NLGN1: variants seen among roughly 807,000 people sequenced by gnomAD.
NLGN1 encodes the protein neuroligin-1.
In NLGN1, 12 loss-of-function variants were observed where a neutral mutation model predicts 65.5. The ratio of observed to expected loss-of-function variants is 0.18; its 90% CI spans 0.12 to 0.30. The LOEUF is 0.30. Ranked by LOEUF, NLGN1 falls within the 10% of genes least tolerant of loss-of-function variation. The pLI is 1.00. For missense variants in NLGN1, 750 were observed against 1,007.1 expected (o/e 0.74, Z 3.46); for synonymous variants, 350 against 359.5 (o/e 0.97, Z 0.30).
intron 2 of NLGN1, among the ~76,000 whole-genome samples, chr3:173,445,276 A>G (rs1169486025): frequency 7.6e-6 from 1 of 131,668 alleles, no homozygotes; most frequent in Admixed American, 7.4e-5. Flanking sequence ...TCAAAAAAAA[A>G]AAAAAAAAAA....
intron 2 of NLGN1, among the ~76,000 whole-genome samples, chr3:173,600,051 C>A (rs73181066): frequency 0.091 from 13,781 of 152,092 alleles, 749 homozygotes; most frequent in South Asian, 0.21. Context: ...TGGCCTCAGG[C>A]ACTTAATGCT....
intron 4 of NLGN1, among the ~76,000 whole-genome samples, chr3:173,917,819 C>T (rs1741038294): frequency 6.8e-6 from 1 of 147,738 alleles, no homozygotes; most frequent in Non-Finnish European, 1.5e-5. Context: ...GAAGGGCGCT[C>T]TGAAATTCTT....
intron 4 of NLGN1, among the ~76,000 whole-genome samples, chr3:174,240,312 G>C (rs996254128): frequency 6.8e-6 from 1 of 147,742 alleles, no homozygotes; most frequent in Non-Finnish European, 1.5e-5. Flanking sequence ...TAAACATATA[G>C]ATCTAACTTT....
intron 1 of NLGN1, among the ~76,000 whole-genome samples, chr3:173,429,443 G>A (rs1486809364): frequency 6.6e-6 from 1 of 152,118 alleles, no homozygotes; most frequent in African/African-American, 2.4e-5. Flanking sequence ...CTACTGTTTT[G>A]AATAGTTGAT....
chr3:173,522,894 A>G (rs925509976), intron 2 of NLGN1, among the ~76,000 whole-genome samples: 4 of 152,146 alleles, frequency 2.6e-5, no homozygotes, highest in East Asian at 1.9e-4. Context: ...CTAACAGAGT[A>G]TAAGTGTTCT....
intron 4 of NLGN1, among the ~76,000 whole-genome samples, chr3:173,864,908 T>G (rs1445888570): frequency 6.6e-6 from 1 of 152,200 alleles, no homozygotes; most frequent in African/African-American, 2.4e-5. Context: ...ACATCTAAAC[T>G]GCCTTTTAGG....
chr3:174,203,961 A>G (rs1419311013), intron 4 of NLGN1, among the ~76,000 whole-genome samples: 1 of 152,176 alleles, frequency 6.6e-6, no homozygotes, highest in Admixed American at 6.5e-5. Context: ...TAAAATTACA[A>G]TTATTATACA....
chr3:174,071,501 G>A (rs1739856996), intron 4 of NLGN1, among the ~76,000 whole-genome samples: 1 of 151,948 alleles, frequency 6.6e-6, no homozygotes, highest in Admixed American at 6.6e-5. Flanking sequence ...GAGGAACATG[G>A]CAAAACCCTG....
intron 4 of NLGN1, among the ~76,000 whole-genome samples, chr3:174,020,445 G>A (rs1005930815): frequency 7.9e-5 from 12 of 151,754 alleles, no homozygotes; most frequent in African/African-American, 2.9e-4. Context: ...TTTTAATATT[G>A]TTTTACTTCT....
intron 4 of NLGN1, among the ~76,000 whole-genome samples, chr3:174,108,070 G>A (rs990790689): frequency 2.0e-4 from 30 of 151,948 alleles, no homozygotes; most frequent in African/African-American, 7.0e-4. Flanking sequence ...GAAGTTTACA[G>A]ATTTTTCTTT....
chr3:174,066,952 A>T (rs1289159297), intron 4 of NLGN1, among the ~76,000 whole-genome samples: 1 of 152,134 alleles, frequency 6.6e-6, no homozygotes, highest in Non-Finnish European at 1.5e-5. Flanking sequence ...TCTTGGTGAT[A>T]AAAAATAACA....
intron 4 of NLGN1, among the ~76,000 whole-genome samples, chr3:174,220,917 G>A (rs932120705): frequency 8.5e-5 from 13 of 152,242 alleles, no homozygotes; most frequent in African/African-American, 2.9e-4. Context: ...GCATTTGTGT[G>A]TTTTTACAGA....
At chr3:173,529,384 A>AG (rs1438125215) in intron 2 of NLGN1, among the ~76,000 whole-genome samples, 4 of 152,072 alleles carry the variant, frequency 2.6e-5, no homozygotes, top group East Asian at 1.9e-4. Context: ...TTCGGGGTGA[A>AG]GGGGGGACAA....
intron 4 of NLGN1, among the ~76,000 whole-genome samples, chr3:174,251,135 T>G (rs1238056312): frequency 3.3e-5 from 5 of 152,212 alleles, no homozygotes; most frequent in African/African-American, 1.2e-4. Flanking sequence ...AGGAAAATGC[T>G]ATATTTATAA....
rs552688567 is a variant in NLGN1, at chr3:173,892,503, C to T, written c.646+84671C>T. Among the ~76,000 whole-genome samples the T allele has an allele frequency of 1.1e-4, 16 of 148,846 alleles. No homozygotes were observed. The South Asian group carries it at 3.4e-3, about 31-fold the overall frequency. ...GTTTACAGATGAGAAAACTGAGTCT[C>T]AGAAAGTAGATCACTTCTTGCAGGC... On this transcript the variant is annotated intron_variant, in intron 4 of 6. Coordinates refer to ENST00000457714, the Ensembl canonical transcript of NLGN1.
chr3:174,048,517 A>C (rs992004066), intron 4 of NLGN1, among the ~76,000 whole-genome samples: 1 of 151,964 alleles, frequency 6.6e-6, no homozygotes, highest in Non-Finnish European at 1.5e-5. Flanking sequence ...ACAAGGCCGC[A>C]GATAATTACT....
intron 4 of NLGN1, among the ~76,000 whole-genome samples, chr3:173,933,455 G>A (rs1579270399): frequency 6.6e-6 from 1 of 152,150 alleles, no homozygotes; most frequent in Admixed American, 6.6e-5. Flanking sequence ...TAGAGAGAGT[G>A]TAATAAAAGT....
chr3:174,203,890 T>A (rs1734955084), intron 4 of NLGN1, among the ~76,000 whole-genome samples: 1 of 152,184 alleles, frequency 6.6e-6, no homozygotes, highest in Admixed American at 6.5e-5. Context: ...AAAACAAATT[T>A]CCTGGGTAGA....
intron 4 of NLGN1, among the ~76,000 whole-genome samples, chr3:174,189,875 G>C (rs1179414307): frequency 6.6e-6 from 1 of 152,050 alleles, no homozygotes; most frequent in African/African-American, 2.4e-5. Flanking sequence ...AGGGAAGTGA[G>C]AATAAGGAAA....
Sources: allele counts gnomAD v4.1 joint callset (sites outside exome capture counted in the v4.1 genomes callset), GRCh38; gene constraint gnomAD v4.1.1; transcripts MANE v1.5; gene names NCBI Gene and HGNC (gene_info 2026-07-23, HGNC 2026-07-21).